The following NHSL2 variants were observed in gnomAD, a reference collection of about 807,000 sequenced individuals.
NHSL2 encodes the protein NHS like 2, also known as NHS-like protein 2.
A neutral mutation model predicts 53.4 loss-of-function variants in NHSL2; 27 were observed. The ratio of observed to expected loss-of-function variants is 0.51; its 90% CI spans 0.37 to 0.70. The LOEUF is 0.70. Ranked by LOEUF, NHSL2 falls within the 30% of genes least tolerant of loss-of-function variation. The probability of loss-of-function intolerance (pLI) is 0.00; values close to 1 mark genes in which losing one functional copy is unlikely to be tolerated. For synonymous variants in NHSL2, 408 were observed against 404.1 expected (o/e 1.01, Z -0.12); for missense variants, 892 against 980.1 (o/e 0.91, Z 1.20).
intron 1 of NHSL2, among the ~76,000 whole-genome samples, chrX:71,959,372 C>T (rs1440897418): frequency 8.9e-6 from 1 of 112,509 alleles, no homozygotes; most frequent in Non-Finnish European, 1.9e-5. Context: ...CAGTAAGAGT[C>T]TTACTAGTAT....
chrX:71,974,140 G>A (rs1372193887), intron 1 of NHSL2, among the ~76,000 whole-genome samples: 1 of 112,299 alleles, frequency 8.9e-6, no homozygotes, highest in African/African-American at 3.2e-5. Flanking sequence ...CCAGCGAAAT[G>A]ATTGTTTCAC....
chrX:72,089,789 A>G lies in NHSL2; in HGVS notation c.281-42290A>G, dbSNP rs186767312. ...GAATGCAGATCCCTCTAAGAGTGGG[A>G]CTTGTTATCCTGCCTCTAATTTATC... On this transcript the variant is annotated intron_variant, in intron 1 of 7. Coordinates refer to ENST00000633930, the MANE Select transcript of NHSL2 (RefSeq NM_001013627.3). Among the ~76,000 whole-genome samples, 3 of 110,769 alleles carry G rather than the reference A, an allele frequency of 2.7e-5. No homozygotes were observed. In the Admixed American group the frequency reaches 2.9e-4, roughly 11 times the overall value.
chrX:72,142,607 G>A (rs757862063), intron 7 of NHSL2, among the ~76,000 whole-genome samples: 1 of 111,256 alleles, frequency 9.0e-6, no homozygotes, highest in Non-Finnish European at 1.9e-5. Context: ...GGGTAAAGTG[G>A]AGGAAGGGAG....
At chrX:71,971,853 G>A (rs763555269) in intron 1 of NHSL2, among the ~76,000 whole-genome samples, 1 of 110,461 alleles carries the variant, frequency 9.1e-6, no homozygotes, top group South Asian at 3.9e-4. Context: ...CCAGGAGTTT[G>A]AGGCTGCATT....
At chrX:72,039,853 C>G (rs980484875) in intron 1 of NHSL2, among the ~76,000 whole-genome samples, 3 of 111,885 alleles carry the variant, frequency 2.7e-5, no homozygotes, top group African/African-American at 9.8e-5. Flanking sequence ...ATTTGTTAGC[C>G]TGCAGCCCTG....
Position 72,138,701 on chromosome X carries a change from G to C in NHSL2, c.1153G>C (p.Glu385Gln). Reference protein sequence around the residue: ...SVPSSCNGPTESTFSTSWKGD... With the variant: ...SVPSSCNGPTQSTFSTSWKGD... ...CCCCAGTTCTTGCAATGGACCTACA[G>C]AATCAACCTTCTCCACTTCCTGGAA... The change falls in exon 6 of 8, where the codon GAA becomes CAA. Residue 385 changes from glutamate (E) to glutamine (Q), a missense_variant. By Grantham distance (29) the Glu-to-Gln change is conservative. Transcript: ENST00000633930. The C allele has an allele frequency of 8.3e-7, 1 of 1,201,675 alleles. No individual in the cohort carries two copies. The highest frequency in any genetic ancestry group is 1.1e-6 in the Non-Finnish European group (1 of 890,021).
chrX:71,960,255 G>C (rs755496654), intron 1 of NHSL2, among the ~76,000 whole-genome samples: 1 of 111,818 alleles, frequency 8.9e-6, no homozygotes, highest in East Asian at 2.8e-4. Flanking sequence ...GATATATTCT[G>C]GATACTAGGC....
chrX:72,044,961 A>T, intron 1 of NHSL2: 1 of 385,218 alleles, frequency 2.6e-6, no homozygotes, highest in Non-Finnish European at 4.4e-6. Flanking sequence ...ATTGTACTTA[A>T]AAAAAAAAAA....
intron 1 of NHSL2, among the ~76,000 whole-genome samples, chrX:72,018,702 GCCCCCGCCCGCCCTCCT>G (rs1047220915): frequency 2.8e-4 from 32 of 112,667 alleles, no homozygotes; most frequent in African/African-American, 1.0e-3. Context: ...AAGCAGCCGG[GCCCCCGCCCGCCCTCCT>G]CCCCCGCCCC....
rs2042439928 is a variant in NHSL2, at chrX:72,143,904, G to A, written c.*330G>A. 2.6e-5 allele frequency: 4 copies of A among 151,889 alleles called. No homozygotes were observed. The highest frequency in any genetic ancestry group is 3.4e-4 in the South Asian group (2 of 5,959). 12.5% of individuals were successfully genotyped at this position (151,889 alleles called of 1,213,427 possible). On this transcript the variant is annotated 3_prime_UTR_variant, in exon 8 of 8. Transcript: ENST00000633930. ...TGCCACTTTTTCAATTCAGTGACCC[G>A]GCTGCTCCATCCCTGGCTCCTGTCA...
chrX:71,973,014 G>A (rs958430219), intron 1 of NHSL2, among the ~76,000 whole-genome samples: 1 of 111,596 alleles, frequency 9.0e-6, no homozygotes, highest in Non-Finnish European at 1.9e-5. Flanking sequence ...CCTAGTCTTA[G>A]GCATATGTAC....
intron 1 of NHSL2, among the ~76,000 whole-genome samples, chrX:72,023,495 T>G (rs781542096): frequency 8.9e-6 from 1 of 112,308 alleles, no homozygotes; most frequent in South Asian, 3.7e-4. Flanking sequence ...GATCTGGGGG[T>G]GTGATTCTCA....
chrX:72,085,936 C>T (rs1261424309), intron 1 of NHSL2, among the ~76,000 whole-genome samples: 3 of 110,435 alleles, frequency 2.7e-5, no homozygotes, highest in South Asian at 3.9e-4. Context: ...AAAGATTCCT[C>T]GGGGCCTCCT....
chrX:72,065,143 C>A (rs189132606), intron 1 of NHSL2, among the ~76,000 whole-genome samples: 58 of 111,743 alleles, frequency 5.2e-4, no homozygotes, highest in African/African-American at 1.7e-3. Context: ...AAGGACCAAG[C>A]ATGTGGAGCT....
chrX:72,149,501 A>G lies in NHSL2; in HGVS notation c.*5927A>G, dbSNP rs778318234. 2 of 112,037 alleles carry G rather than the reference A, an allele frequency of 1.8e-5. No individual in the cohort carries two copies. The highest frequency in any genetic ancestry group is 7.4e-4 in the South Asian group (2 of 2,716). 9.2% of individuals were successfully genotyped at this position (112,037 alleles called of 1,213,427 possible). On this transcript the variant is annotated 3_prime_UTR_variant, in exon 8 of 8. Transcript: ENST00000633930. ...TGGTCTTGAGCTTTTTCTAACATCCAATTTTATAAAATGTTGTGCATGCAA... is the reference window on the plus strand; with the variant it reads ...TGGTCTTGAGCTTTTTCTAACATCCGATTTTATAAAATGTTGTGCATGCAA...
chrX:72,068,173 A>G (rs73624205), intron 1 of NHSL2, among the ~76,000 whole-genome samples: 8,582 of 111,376 alleles, frequency 0.077, 313 homozygotes, highest in African/African-American at 0.13. Context: ...TGGCACCTCT[A>G]TCTCCCCAAC....
intron 1 of NHSL2, among the ~76,000 whole-genome samples, chrX:71,955,780 A>G (rs1025903846): frequency 1.2e-4 from 13 of 108,786 alleles, no homozygotes; most frequent in Non-Finnish European, 2.3e-4. Flanking sequence ...GAAGCTTTCG[A>G]ATGACTTAAA....
At chrX:72,004,479 G>T (rs749610703) in intron 1 of NHSL2, among the ~76,000 whole-genome samples, 1 of 111,789 alleles carries the variant, frequency 8.9e-6, no homozygotes, top group African/African-American at 3.3e-5. Context: ...TTTCCGGAGC[G>T]GAGAGGGATG....
intron 1 of NHSL2, among the ~76,000 whole-genome samples, chrX:71,986,027 A>G (rs1753749411): frequency 8.9e-6 from 1 of 111,961 alleles, no homozygotes; most frequent in Admixed American, 9.5e-5. Context: ...AATTATAATT[A>G]TTACTGATAA....
Sources: gnomAD v4.1 joint callset for allele counts (sites outside exome capture counted in the v4.1 genomes callset) on GRCh38, gnomAD v4.1.1 for gene constraint, MANE v1.5 for transcripts, NCBI Gene and HGNC (gene_info 2026-07-23, HGNC 2026-07-21) for gene names.